The following LRP1B variants were observed in gnomAD, a reference collection of about 807,000 sequenced individuals.
The protein encoded by LRP1B is low-density lipoprotein receptor-related protein 1B.
LRP1B carries 217 observed loss-of-function variants against 556.6 expected under a neutral mutation model. That is an observed-to-expected ratio of 0.39 (90% CI 0.35 to 0.44). The LOEUF is 0.44. Ranked by LOEUF, LRP1B falls within the 20% of genes least tolerant of loss-of-function variation. The pLI is 1.00. For synonymous variants in LRP1B, 2,047 were observed against 1,865.8 expected (o/e 1.10, Z -2.50); for missense variants, 5,053 against 5,620.8 (o/e 0.90, Z 3.23).
chr2:141,110,463 A>T (rs1009694345), intron 7 of LRP1B, among the ~76,000 whole-genome samples: 2 of 152,134 alleles, frequency 1.3e-5, no homozygotes, highest in Non-Finnish European at 2.9e-5. Flanking sequence ...TCATATGCGT[A>T]TGAGGTCTAC....
intron 65 of LRP1B, 91 bp from the exon 66 acceptor site, chr2:140,442,714 T>C: frequency 7.8e-7 from 1 of 1,281,136 alleles, no homozygotes; most frequent in Non-Finnish European, 1.1e-6. Context: ...TAAGACAGTT[T>C]ATCGAAAAAT....
Position 140,297,801 on chromosome 2 carries a change from T to C in LRP1B, c.12967+7A>G, listed in dbSNP as rs1683668411. On this transcript the variant is annotated splice_region_variant and intron_variant, in intron 84 of 90. Transcript: ENST00000389484. Reference sequence around the variant, plus strand: ...AAAGCTGGCTTCTGGGTGCTGCTTTTACTTACAGTACTGACATCTGTCTCC... The same window carrying C: ...AAAGCTGGCTTCTGGGTGCTGCTTTCACTTACAGTACTGACATCTGTCTCC... 1 of 1,603,954 alleles carries C rather than the reference T, an allele frequency of 6.2e-7. No individual in the cohort carries two copies.
chr2:141,026,244 C>G (rs1485707750), intron 11 of LRP1B, among the ~76,000 whole-genome samples: 1 of 152,060 alleles, frequency 6.6e-6, no homozygotes, highest in Non-Finnish European at 1.5e-5. Flanking sequence ...TATGAAAAGT[C>G]TACCCTATTA....
At chr2:141,896,163 AAC>A (rs1699447490) in intron 1 of LRP1B, among the ~76,000 whole-genome samples, 1 of 152,170 alleles carries the variant, frequency 6.6e-6, no homozygotes, top group South Asian at 2.1e-4. Context: ...TGTCATCTAG[AAC>A]AGTTTTTCTC....
At chr2:142,052,866 A>T (rs564722308) in intron 1 of LRP1B, among the ~76,000 whole-genome samples, 130 of 152,316 alleles carry the variant, frequency 8.5e-4, no homozygotes, top group Non-Finnish European at 1.6e-3. Context: ...TAAGAACTCC[A>T]CAGGGGTAGT....
chr2:140,491,665 T>C (rs942714915), intron 57 of LRP1B, among the ~76,000 whole-genome samples: 4 of 152,170 alleles, frequency 2.6e-5, no homozygotes, highest in African/African-American at 7.2e-5. Flanking sequence ...AGCAGTTATA[T>C]GTACGTTTTA....
At chr2:141,003,160 A>G (rs1697474795) in intron 15 of LRP1B, among the ~76,000 whole-genome samples, 1 of 152,090 alleles carries the variant, frequency 6.6e-6, no homozygotes, top group Non-Finnish European at 1.5e-5. Context: ...ACAATTACCT[A>G]TAACAATGCA....
intron 66 of LRP1B, among the ~76,000 whole-genome samples, chr2:140,390,995 C>T (rs1468336322): frequency 6.6e-6 from 1 of 151,962 alleles, no homozygotes; most frequent in East Asian, 1.9e-4. Flanking sequence ...AACATATCTA[C>T]CATGTGACTC....
intron 37 of LRP1B, among the ~76,000 whole-genome samples, chr2:140,708,866 A>C (rs1686934417): frequency 6.6e-6 from 1 of 152,034 alleles, no homozygotes; most frequent in African/African-American, 2.4e-5. Context: ...AATTTGTTCC[A>C]TGACTTGCAA....
intron 1 of LRP1B, among the ~76,000 whole-genome samples, chr2:141,815,750 G>A (rs1399469236): frequency 4.0e-5 from 6 of 148,926 alleles, no homozygotes; most frequent in African/African-American, 1.2e-4. Context: ...CCCGTTCCAC[G>A]CTGTGGAAGC....
chr2:140,290,452 A>G (rs566375309), intron 84 of LRP1B, among the ~76,000 whole-genome samples: 93 of 152,232 alleles, frequency 6.1e-4, no homozygotes, highest in African/African-American at 2.2e-3. Context: ...GTTGGGAGAA[A>G]GTAGACAGGG....
rs1688160002 is a variant in LRP1B, at chr2:141,612,946, G to A, written c.206-132413C>T. ...GCCTCCCGAGTAGCTGGGACTACAG[G>A]TGTGTGCCACCACACCCAGCTAATT... On this transcript the variant is annotated intron_variant, in intron 2 of 90. Transcript: ENST00000389484. Among the ~76,000 whole-genome samples, 4 of 152,016 alleles carry A rather than the reference G, an allele frequency of 2.6e-5. No individual in the cohort carries two copies. In the South Asian group the frequency reaches 6.2e-4, roughly 24 times the overall value.
chr2:141,110,919 T>A (rs545852446), intron 7 of LRP1B, among the ~76,000 whole-genome samples: 1 of 152,304 alleles, frequency 6.6e-6, no homozygotes, highest in Admixed American at 6.5e-5. Flanking sequence ...GTCCCCACAC[T>A]AAATATATAG....
intron 3 of LRP1B, among the ~76,000 whole-genome samples, chr2:141,307,408 T>C (rs147940853): frequency 6.9e-4 from 105 of 152,312 alleles, no homozygotes; most frequent in Non-Finnish European, 1.3e-3. Flanking sequence ...GTCTGTATTA[T>C]CTGGTATGTG....
At chr2:141,126,416 T>A (rs906842175) in intron 7 of LRP1B, among the ~76,000 whole-genome samples, 1 of 152,178 alleles carries the variant, frequency 6.6e-6, no homozygotes, top group Non-Finnish European at 1.5e-5. Flanking sequence ...AGAAACTCAT[T>A]GCAACTTCCA....
At position 141,401,883 on chromosome 2, in the gene LRP1B, T is replaced by C. The variant is rs867334410; in HGVS notation, c.343+78513A>G. On this transcript the variant is annotated intron_variant, in intron 3 of 90. Coordinates refer to ENST00000389484, the MANE Select transcript of LRP1B (RefSeq NM_018557.3). ...GGAAAATTTCCTATTCTAGATCCTA[T>C]AGTGAGCTCTCAAATGACCATCAAT... is the stretch of plus-strand genomic sequence containing the variant. 1.7e-4 allele frequency among the ~76,000 whole-genome samples: 26 copies of C among 152,316 alleles called. 1 individual carries two copies. The South Asian group carries it at 4.8e-3, about 28-fold the overall frequency.
chr2:140,766,501 A>C (rs1559105920), intron 35 of LRP1B, among the ~76,000 whole-genome samples: 1 of 152,040 alleles, frequency 6.6e-6, no homozygotes, highest in Non-Finnish European at 1.5e-5. Flanking sequence ...CACCACCATC[A>C]TGACCTTCAT....
intron 1 of LRP1B, among the ~76,000 whole-genome samples, chr2:141,961,760 T>C (rs1174113368): frequency 2.0e-5 from 3 of 151,732 alleles, no homozygotes; most frequent in East Asian, 3.9e-4. Flanking sequence ...TGGTGTAATG[T>C]ATATTTGCCT....
intron 2 of LRP1B, among the ~76,000 whole-genome samples, chr2:141,630,714 T>C (rs762119878): frequency 2.0e-5 from 3 of 152,232 alleles, no homozygotes; most frequent in Non-Finnish European, 2.9e-5. Flanking sequence ...GGAGCATCTG[T>C]AGCTGGTTAG....
Sources: gnomAD v4.1 joint callset for allele counts (sites outside exome capture counted in the v4.1 genomes callset) on GRCh38, gnomAD v4.1.1 for gene constraint, MANE v1.5 for transcripts, NCBI Gene and HGNC (gene_info 2026-07-23, HGNC 2026-07-21) for gene names.